MTRR: variants seen among roughly 807,000 people sequenced by gnomAD.
MTRR encodes the protein methionine synthase reductase.
In MTRR, 63 loss-of-function variants were observed where a neutral mutation model predicts 79.2. The ratio of observed to expected loss-of-function variants is 0.80; its 90% CI spans 0.65 to 0.98. MTRR has a LOEUF of 0.98. MTRR is among the 50% of genes least tolerant of loss of function. The probability of loss-of-function intolerance (pLI) is 0.00; values close to 1 mark genes in which losing one functional copy is unlikely to be tolerated. For synonymous variants in MTRR, 355 were observed against 313.3 expected (o/e 1.13, Z -1.41); for missense variants, 895 against 839.6 (o/e 1.07, Z -0.82).
chr5:7,867,156 G>C, upstream of MTRR: 3 of 1,614,128 alleles, frequency 1.9e-6, no homozygotes, highest in Non-Finnish European at 1.7e-6. Flanking sequence ...GGAAATGCTT[G>C]ACTTTGATCA....
At chr5:7,896,729 A>C in intron 12 of MTRR, 135 bp from the exon 13 acceptor site, 1 of 759,090 alleles carries the variant, frequency 1.3e-6, no homozygotes, top group Non-Finnish European at 2.3e-6. Context: ...AATGCTAATT[A>C]AATGACTGAA....
intron 2 of MTRR, among the ~76,000 whole-genome samples, chr5:7,872,997 CA>C (rs1748250584): frequency 6.6e-6 from 1 of 152,098 alleles, no homozygotes; most frequent in East Asian, 1.9e-4. Context: ...GACTCAGTGG[CA>C]AAGAGTTGAC....
At chr5:7,859,496 AATTCACGTCTTG>A (rs1247799817) in intron 1 of MTRR, 1 of 1,606,946 alleles carries the variant, frequency 6.2e-7, no homozygotes, top group Admixed American at 1.7e-5. Context: ...ATATTCCACC[AATTCACGTCTTG>A]ATTTTAGCAT....
intron 2 of MTRR, chr5:7,862,787 T>G (rs767704664): frequency 1.4e-5 from 22 of 1,554,302 alleles, no homozygotes; most frequent in Non-Finnish European, 1.8e-5. Context: ...ACAGGATGCT[T>G]AGGTTTAAAA....
intron 1 of MTRR, among the ~76,000 whole-genome samples, chr5:7,854,571 G>GA (rs1224178281): frequency 7.2e-5 from 11 of 152,024 alleles, no homozygotes; most frequent in Non-Finnish European, 1.3e-4. Flanking sequence ...GGCGGCAAGA[G>GA]AAAATGAGGA....
chr5:7,894,053 A>G (rs1348482692), intron 11 of MTRR, among the ~76,000 whole-genome samples: 1 of 152,220 alleles, frequency 6.6e-6, no homozygotes, highest in Non-Finnish European at 1.5e-5. Flanking sequence ...TGTGTCCATC[A>G]TGTATCGTAA....
At chr5:7,893,241 AG>A (rs1021933340) in intron 11 of MTRR, 36 of 325,126 alleles carry the variant, frequency 1.1e-4, no homozygotes, top group African/African-American at 5.1e-4. Context: ...GAAGTATTTA[AG>A]GGGGGTGATG....
intron 2 of MTRR, among the ~76,000 whole-genome samples, chr5:7,872,949 G>A (rs962366952): frequency 1.3e-5 from 2 of 152,098 alleles, no homozygotes; most frequent in Admixed American, 1.3e-4. Context: ...GTGCTGATTT[G>A]CCTTGCAGAT....
intron 5 of MTRR, among the ~76,000 whole-genome samples, chr5:7,880,580 CCT>C (rs1162157441): frequency 4.6e-5 from 7 of 152,162 alleles, no homozygotes; most frequent in South Asian, 2.1e-4. Context: ...GAGACCATCC[CCT>C]GTGTCCTCCA....
intron 2 of MTRR, among the ~76,000 whole-genome samples, 157 bp downstream of exon 2, chr5:7,871,080 A>AT (rs1747904916): frequency 6.6e-6 from 1 of 152,242 alleles, no homozygotes; most frequent in Non-Finnish European, 1.5e-5. Context: ...TATCACCAGC[A>AT]TTTTTTTAAT....
Position 7,862,783 on chromosome 5 carries a change from T to C in MTRR, n.498+726T>C, listed in dbSNP as rs1411844840. ...CATATATCTCCAAAATCGAACAGGA[T>C]GCTTAGGTTTAAAACAACAAAACTC... On this transcript the variant is annotated intron_variant and non_coding_transcript_variant, in intron 2 of 3. Transcript: ENST00000502509. 2.0e-6 allele frequency: 3 copies of C among 1,537,302 alleles called. No individual in the cohort carries two copies. In the African/African-American group the frequency reaches 4.1e-5, roughly 21 times the overall value.
rs78429440 is a variant in MTRR at position 7,873,636 on chromosome 5, T to C, written c.283+110T>C. The C allele has an allele frequency of 7.5e-5, 95 of 1,269,376 alleles. No individual in the cohort carries two copies. The East Asian group carries it at 1.9e-3, about 26-fold the overall frequency. 78.6% of individuals were successfully genotyped at this position (1,269,376 alleles called of 1,614,324 possible). On this transcript the variant is annotated intron_variant, in intron 3 of 14. Coordinates refer to ENST00000440940, the MANE Select transcript of MTRR (RefSeq NM_002454.3). ...GATCATATAGGTTTTGTCTTTCTTA[T>C]GTAAATATTATGTATATGTATATAT...
upstream of MTRR, chr5:7,850,979 C>A: frequency 1.5e-6 from 2 of 1,307,062 alleles, no homozygotes; most frequent in Non-Finnish European, 9.7e-7. Context: ...CTGGGCTTGC[C>A]CCGCAGCGTG....
intron 11 of MTRR, 80 bp from the exon 12 acceptor site, chr5:7,895,654 T>C: frequency 6.4e-7 from 1 of 1,561,562 alleles, no homozygotes; most frequent in Non-Finnish European, 8.8e-7. Context: ...CTTTCTGATT[T>C]GTTTAGCAAA....
At chr5:7,898,510 C>T (rs1040921509) in intron 14 of MTRR, among the ~76,000 whole-genome samples, 4 of 152,136 alleles carry the variant, frequency 2.6e-5, no homozygotes, top group African/African-American at 9.7e-5. Context: ...CCCTGGGGCA[C>T]TTGAACATTG....
chr5:7,866,185 GC>G (rs1449829021), upstream of MTRR, among the ~76,000 whole-genome samples: 2 of 151,944 alleles, frequency 1.3e-5, no homozygotes, highest in Non-Finnish European at 2.9e-5. Flanking sequence ...CAAGCTCCTA[GC>G]TACAGAATAC....
At chr5:7,854,535 G>A (rs1440116949) in intron 1 of MTRR, among the ~76,000 whole-genome samples, 1 of 152,112 alleles carries the variant, frequency 6.6e-6, no homozygotes, top group East Asian at 1.9e-4. Flanking sequence ...ATCATGGCAG[G>A]AGATGAAAGG....
In MTRR at chr5:7,897,160, C is replaced by T; in HGVS notation, c.1865C>T (p.Ala622Val). The change falls in exon 14 of 15, where the codon GCA (alanine) becomes GTA (valine). Residue 622 changes from alanine (A) to valine (V), a missense_variant. Physicochemically the swap from Ala to Val is moderately conservative, Grantham distance 64. Coordinates refer to ENST00000440940, the MANE Select transcript of MTRR (RefSeq NM_002454.3). ...DAPVGEEEAP[A>V]KYVQDNIQLH... ...CCTGTTGGGGAGGAGGAAGCCCCAG[C>T]AAAGTATGTGCAAGACAACATCCAG... is the stretch of plus-strand genomic sequence containing the variant. The T allele has an allele frequency of 1.2e-6, 2 of 1,614,108 alleles. No individual in the cohort carries two copies. Among genetic ancestry groups the T allele is most frequent in the Non-Finnish European group, 1.7e-6 (2 of 1,180,024 alleles).
chr5:7,860,673 T>G (rs1319083944), intron 1 of MTRR, among the ~76,000 whole-genome samples: 1 of 152,096 alleles, frequency 6.6e-6, no homozygotes, highest in Non-Finnish European at 1.5e-5. Context: ...TAAAAGCAAA[T>G]TAAAATGGAG....
Sources: allele counts gnomAD v4.1 joint callset (sites outside exome capture counted in the v4.1 genomes callset), GRCh38; gene constraint gnomAD v4.1.1; transcripts MANE v1.5; gene names NCBI Gene and HGNC (gene_info 2026-07-23, HGNC 2026-07-21).